Variants in TENM3 observed in about 807,000 individuals in gnomAD.
TENM3 encodes teneurin transmembrane protein 3.
In TENM3, 63 loss-of-function variants were observed where a neutral mutation model predicts 255.1. The observed-to-expected ratio is 0.25, with a 90% CI of 0.20 to 0.30. The LOEUF (loss-of-function observed/expected upper bound fraction) is 0.30. TENM3 is among the 10% of genes least tolerant of loss of function. TENM3 has a pLI of 1.00. For missense variants in TENM3, 2,929 were observed against 3,461.1 expected, an observed-to-expected ratio of 0.85 and a Z score of 3.86; for synonymous variants, 1,306 against 1,322.3, an observed-to-expected ratio of 0.99 and a Z score of 0.27.
At chr4:182,169,252 A>G (rs778830050) in intron 1 of TENM3, 6 of 473,760 alleles carry the variant, frequency 1.3e-5, no homozygotes, top group Admixed American at 2.3e-5. Flanking sequence ...GTTCCTTTAG[A>G]TAGCTTAACT....
At chr4:182,798,845 G>A (rs1475556530) in intron 27 of TENM3, among the ~76,000 whole-genome samples, 2 of 152,166 alleles carry the variant, frequency 1.3e-5, no homozygotes, top group Non-Finnish European at 2.9e-5. Context: ...TTTCATTGCC[G>A]CAAATGAAAC....
At chr4:181,529,741 G>A in the TENM3 span, among the ~76,000 whole-genome samples, 2 of 152,224 alleles carry the variant, frequency 1.3e-5, no homozygotes, top group Admixed American at 1.3e-4. Flanking sequence ...CTTGTGGCCA[G>A]GGGCAAACAT....
At chr4:181,665,843 A>G in the TENM3 span, among the ~76,000 whole-genome samples, 10 of 152,090 alleles carry the variant, frequency 6.6e-5, no homozygotes, top group Admixed American at 6.5e-4. Flanking sequence ...GAAAATTTTT[A>G]TTAAATTTCG....
At chr4:182,121,048 G>C in the TENM3 span, among the ~76,000 whole-genome samples, 3 of 151,876 alleles carry the variant, frequency 2.0e-5, 1 homozygote, top group South Asian at 6.3e-4. Flanking sequence ...GCCCAGTCTG[G>C]AGTGCAGTGG....
At chr4:182,393,834 C>T (rs1768611173) in intron 3 of TENM3, among the ~76,000 whole-genome samples, 1 of 152,134 alleles carries the variant, frequency 6.6e-6, no homozygotes, top group Non-Finnish European at 1.5e-5. Flanking sequence ...CTCTAATATG[C>T]ATTAACAGTT....
the TENM3 span, among the ~76,000 whole-genome samples, chr4:181,934,107 A>G: frequency 5.9e-5 from 9 of 152,090 alleles, no homozygotes; most frequent in East Asian, 3.9e-4. Flanking sequence ...TTAAACATAC[A>G]TAGGAATATG....
chr4:181,575,718 G>A, the TENM3 span, among the ~76,000 whole-genome samples: 1 of 152,106 alleles, frequency 6.6e-6, no homozygotes, highest in African/African-American at 2.4e-5. Flanking sequence ...AGCTATATAC[G>A]ACATTTGGGG....
chr4:182,345,172 T>C (rs1764726562), intron 2 of TENM3, among the ~76,000 whole-genome samples: 1 of 152,156 alleles, frequency 6.6e-6, no homozygotes, highest in Non-Finnish European at 1.5e-5. Flanking sequence ...ATAAAGCTGA[T>C]TCCAACTTCT....
the TENM3 span, among the ~76,000 whole-genome samples, chr4:181,511,080 G>A: frequency 2.0e-5 from 3 of 152,272 alleles, no homozygotes; most frequent in Non-Finnish European, 4.4e-5. Flanking sequence ...ATGAGTGGTC[G>A]CTGGAACCAG....
the TENM3 span, among the ~76,000 whole-genome samples, chr4:181,771,737 A>G: frequency 2.6e-5 from 4 of 152,234 alleles, no homozygotes; most frequent in African/African-American, 9.6e-5. Context: ...GTAGTTTGAG[A>G]TTCTGCGTTT....
At chr4:181,828,956 C>G in the TENM3 span, among the ~76,000 whole-genome samples, 1 of 152,176 alleles carries the variant, frequency 6.6e-6, no homozygotes, top group Non-Finnish European at 1.5e-5. Context: ...GGGACCCCCT[C>G]TGGTGACACA....
chr4:182,615,042 A>AAAAAATAC (rs1403989160), intron 4 of TENM3, among the ~76,000 whole-genome samples: 1 of 57,464 alleles, frequency 1.7e-5, no homozygotes, highest in African/African-American at 4.5e-5. Flanking sequence ...AAAAAAAAAA[A>AAAAAATAC]ATACATATAT....
chr4:182,753,137 A>G (rs1330607549), intron 20 of TENM3, among the ~76,000 whole-genome samples: 1 of 151,994 alleles, frequency 6.6e-6, no homozygotes, highest in African/African-American at 2.4e-5. Context: ...TAGTAGAGAC[A>G]GGGTTTCACC....
chr4:182,441,209 A>G (rs1366781822), intron 3 of TENM3, among the ~76,000 whole-genome samples: 1 of 152,198 alleles, frequency 6.6e-6, no homozygotes, highest in Non-Finnish European at 1.5e-5. Flanking sequence ...CAAAAAATGT[A>G]TGTATAGATT....
the TENM3 span, among the ~76,000 whole-genome samples, chr4:181,981,140 A>G: frequency 1.8e-3 from 271 of 152,096 alleles, 3 homozygotes; most frequent in African/African-American, 6.2e-3. Context: ...TGCCTGTCCA[A>G]TTCTTACCCA....
intron 16 of TENM3, among the ~76,000 whole-genome samples, chr4:182,734,550 C>T (rs1761021853): frequency 6.6e-6 from 1 of 152,218 alleles, no homozygotes; most frequent in African/African-American, 2.4e-5. Flanking sequence ...GAGAGGGCCT[C>T]GCAATCACAA....
chr4:182,764,218 T>G (rs1041578568), intron 22 of TENM3, among the ~76,000 whole-genome samples: 7 of 152,252 alleles, frequency 4.6e-5, no homozygotes, highest in Non-Finnish European at 8.8e-5. Context: ...TTTCTGTGCT[T>G]TTTGATCATC....
At chr4:182,429,947 G>A (rs1771499364) in intron 3 of TENM3, among the ~76,000 whole-genome samples, 1 of 152,090 alleles carries the variant, frequency 6.6e-6, no homozygotes, top group African/African-American at 2.4e-5. Flanking sequence ...CATATTTGAG[G>A]CTCAAAAAAG....
At chr4:182,526,036 G>A (rs557779827) in intron 3 of TENM3, among the ~76,000 whole-genome samples, 1 of 152,262 alleles carries the variant, frequency 6.6e-6, no homozygotes, top group South Asian at 2.1e-4. Flanking sequence ...CTGGAGTGCA[G>A]TGGTGCGATC....
Sources: allele counts gnomAD v4.1 joint callset (sites outside exome capture counted in the v4.1 genomes callset), GRCh38; gene constraint gnomAD v4.1.1; transcripts MANE v1.5; gene names NCBI Gene and HGNC (gene_info 2026-07-23, HGNC 2026-07-21).